MTMR9: variants seen among roughly 807,000 people sequenced by gnomAD.
MTMR9 encodes myotubularin-related protein 9.
MTMR9 carries 39 observed loss-of-function variants against 69.5 expected under a neutral mutation model. The observed-to-expected ratio is 0.56, with a 90% confidence interval of 0.43 to 0.73. The LOEUF is 0.73. Among genes scored for constraint, MTMR9 ranks in the 30% least tolerant of loss-of-function variants. MTMR9 has a pLI of 0.00. For synonymous variants in MTMR9, 354 were observed against 240.8 expected, an observed-to-expected ratio of 1.47 and a Z score of -4.35; for missense variants, 900 against 671.2, an observed-to-expected ratio of 1.34 and a Z score of -3.77.
Position 11,327,672 on chromosome 8 carries a change from T to C in MTMR9, c.*4884T>C, listed in dbSNP as rs1215068354. On this transcript the variant is annotated 3_prime_UTR_variant, in exon 10 of 10. Coordinates refer to ENST00000221086, the MANE Select transcript of MTMR9 (RefSeq NM_015458.4). ...GATTGTTCTCTTGATAATATTTGAA[T>C]GTGACTCTTGGATTTAAGTGCACTA... 1.3e-5 allele frequency: 2 copies of C among 152,670 alleles called. No homozygotes were observed. Among genetic ancestry groups the C allele is most frequent in the Non-Finnish European group, 2.9e-5 (2 of 68,036 alleles). The allele number at this position is 152,670 out of a possible 1,614,324, so 9.5% of individuals were successfully genotyped here. A position where few individuals can be genotyped will look rare whatever the true frequency, so the allele number is the denominator to read the frequency against.
At chr8:11,310,453 G>C (rs569576431) in intron 6 of MTMR9, among the ~76,000 whole-genome samples, 1 of 152,140 alleles carries the variant, frequency 6.6e-6, no homozygotes, top group Non-Finnish European at 1.5e-5. Context: ...TTCCAAATTA[G>C]GGAAATATAT....
At chr8:11,320,576 A>G (rs1029892572) in intron 9 of MTMR9, 3 of 152,224 alleles carry the variant, frequency 2.0e-5, no homozygotes, top group African/African-American at 7.2e-5. Context: ...TGAAAATACA[A>G]AAATTAAACA....
At chr8:11,293,781 T>G (rs935616384) in intron 1 of MTMR9, among the ~76,000 whole-genome samples, 3 of 151,860 alleles carry the variant, frequency 2.0e-5, no homozygotes, top group Non-Finnish European at 4.4e-5. Context: ...AAAAAAGCTA[T>G]CCAGTTGTGC....
chr8:11,302,652 C>T (rs1036087907), intron 3 of MTMR9, among the ~76,000 whole-genome samples: 1 of 152,130 alleles, frequency 6.6e-6, no homozygotes, highest in Admixed American at 6.5e-5. Flanking sequence ...ATCATTCTCT[C>T]TAAGTTCAAG....
At chr8:11,315,227 A>C (rs1411714946) in intron 7 of MTMR9, among the ~76,000 whole-genome samples, 163 bp downstream of exon 7, 1 of 152,126 alleles carries the variant, frequency 6.6e-6, no homozygotes, top group Non-Finnish European at 1.5e-5. Context: ...TTGTTTCTGG[A>C]TGTCTCTTTG....
intron 1 of MTMR9, among the ~76,000 whole-genome samples, chr8:11,285,822 T>A (rs1481114549): frequency 6.6e-6 from 1 of 152,178 alleles, no homozygotes; most frequent in African/African-American, 2.4e-5. Context: ...GCAAACTGAT[T>A]ATCCGTTTTA....
chr8:11,308,635 G>A (rs1464723484), intron 5 of MTMR9, among the ~76,000 whole-genome samples: 1 of 152,154 alleles, frequency 6.6e-6, no homozygotes, highest in Non-Finnish European at 1.5e-5. Flanking sequence ...TTGTTAATGT[G>A]TAATTGTTCA....
In MTMR9 at chr8:11,324,972, G is replaced by T. The variant is rs923998479; in HGVS notation, c.*2184G>T. ...TTAGGTCTGGTCATGGAGGGATGAT[G>T]TACCATCAAGGTAGACCCATCTTCC... On this transcript the variant is annotated 3_prime_UTR_variant, in exon 10 of 10. Coordinates refer to ENST00000221086, the MANE Select transcript of MTMR9 (RefSeq NM_015458.4). 6.6e-6 allele frequency: 1 copy of T among 152,242 alleles called. No individual in the cohort carries two copies. The highest frequency in any genetic ancestry group is 1.5e-5 in the Non-Finnish European group (1 of 68,052). The allele number at this position is 152,242 out of a possible 1,614,324, so 9.4% of individuals were successfully genotyped here.
rs61128034 is a variant in MTMR9, at chr8:11,290,904, C to T, written c.183-4290C>T. ...TTTAAAGTTGACAACTATGTTTCGA[C>T]CTTTATGTTTCCATGCAATTTTGGA... On this transcript the variant is annotated intron_variant, in intron 1 of 9. Coordinates refer to ENST00000221086, the MANE Select transcript of MTMR9 (RefSeq NM_015458.4). Among the ~76,000 whole-genome samples the T allele has an allele frequency of 0.015, 2,179 of 148,392 alleles. 91 individuals carry two copies. The East Asian group carries it at 0.16, about 11-fold the overall frequency.
rs1419220842 is a variant in MTMR9 at position 11,285,903 on chromosome 8, T to A, written c.182+833T>A. On this transcript the variant is annotated intron_variant, in intron 1 of 9. Transcript: ENST00000221086. The stretch of plus-strand genomic sequence containing the variant: ...AGGATAATTTGGATATTAGGAAGAT[T>A]CGTACAGAGGATATGCCTTAAAATA... Among the ~76,000 whole-genome samples, 3 of 152,112 alleles carry A rather than the reference T, an allele frequency of 2.0e-5. No individual in the cohort carries two copies. The East Asian group carries it at 5.8e-4, about 29-fold the overall frequency.
intron 2 of MTMR9, 126 bp from the exon 3 acceptor site, chr8:11,299,893 ACAAT>A (rs1799691756): frequency 1.8e-6 from 2 of 1,108,912 alleles, no homozygotes; most frequent in Non-Finnish European, 2.5e-6. Context: ...GGTGATAAAC[ACAAT>A]GTTAGAGAAA....
In MTMR9 at chr8:11,316,809, T is replaced by A; in HGVS notation, c.1250T>A (p.Phe417Tyr). 3 of 1,613,918 alleles carry A rather than the reference T, an allele frequency of 1.9e-6. No individual in the cohort carries two copies. In the South Asian group the frequency reaches 3.3e-5, roughly 18 times the overall value. The change falls in exon 8 of 10, where the codon TTT becomes TAT. Residue 417 changes from phenylalanine to tyrosine, a missense_variant. Phe to Tyr is a conservative substitution (Grantham distance 22). Coordinates refer to ENST00000221086, the MANE Select transcript of MTMR9 (RefSeq NM_015458.4). The part of the protein sequence containing the change: ...ILRQFPCSFE[F>Y]NENFLIMLFE... ...CGTCAGTTTCCCTGTTCTTTTGAGT[T>A]TAATGAGAATTTCCTCATCATGCTC...
At position 11,306,192 on chromosome 8, in the gene MTMR9, A is replaced by G. The variant is rs368072228; in HGVS notation, c.594A>G (p.Val198=). 2 of 1,612,374 alleles carry G rather than the reference A, an allele frequency of 1.2e-6. No homozygotes were observed. The highest frequency in any genetic ancestry group is 1.7e-6 in the Non-Finnish European group (2 of 1,179,702). Residue 198 remains valine, a splice_region_variant and synonymous_variant, in exon 5 of 10, where the codon GTA becomes GTG. Coordinates refer to ENST00000221086, the MANE Select transcript of MTMR9 (RefSeq NM_015458.4). ...LSYYHKKNGM[V]IMRSGQPLTG... ...TTTCAGCTTTATTATGCTTCTAGGT[A>G]ATTATGCGAAGTGGTCAGCCACTCA...
At chr8:11,290,840 A>G (rs989743974) in intron 1 of MTMR9, among the ~76,000 whole-genome samples, 5 of 146,604 alleles carry the variant, frequency 3.4e-5, no homozygotes, top group Admixed American at 2.7e-4. Context: ...CAAAAATCGG[A>G]TAGTGCTAGT....
chr8:11,287,742 T>TATATATTATATA (rs2117343813), intron 1 of MTMR9, among the ~76,000 whole-genome samples: 1 of 133,382 alleles, frequency 7.5e-6, no homozygotes, highest in African/African-American at 2.9e-5. Context: ...TATATATTAT[T>TATATATTATATA]TTCTTATATA....
downstream of MTMR9, chr8:11,331,381 A>T (rs755357307): frequency 3.1e-6 from 5 of 1,612,910 alleles, no homozygotes; most frequent in Admixed American, 8.3e-5. Context: ...CTGCGTGGCG[A>T]CCCCCTTCTG....
At chr8:11,303,748 G>T (rs918114754) in intron 3 of MTMR9, among the ~76,000 whole-genome samples, 4 of 152,046 alleles carry the variant, frequency 2.6e-5, no homozygotes, top group African/African-American at 9.7e-5. Flanking sequence ...TGCCCTGGCT[G>T]GTCTTGAACT....
chr8:11,329,676 C>T (rs1007124861), downstream of MTMR9, among the ~76,000 whole-genome samples: 4 of 152,232 alleles, frequency 2.6e-5, no homozygotes, highest in Admixed American at 6.5e-5. Context: ...ACCTCCACCT[C>T]CCAGCCGCCT....
the MTMR9 span, among the ~76,000 whole-genome samples, chr8:11,337,950 C>G: frequency 6.6e-6 from 1 of 152,232 alleles, no homozygotes; most frequent in African/African-American, 2.4e-5. Flanking sequence ...AATCAAATCT[C>G]AACATGGTTC....
Sources: gnomAD v4.1 joint callset for allele counts (sites outside exome capture counted in the v4.1 genomes callset) on GRCh38, gnomAD v4.1.1 for gene constraint, MANE v1.5 for transcripts, NCBI Gene and HGNC (gene_info 2026-07-23, HGNC 2026-07-21) for gene names.